Variants in CREB5 observed in about 807,000 individuals in gnomAD.
CREB5 encodes cAMP responsive element binding protein 5.
A neutral mutation model predicts 57.1 loss-of-function variants in CREB5; 19 were observed. That is an observed-to-expected ratio of 0.33 (90% CI 0.23 to 0.49). The LOEUF is 0.49. Ranked by LOEUF, CREB5 falls within the 20% of genes least tolerant of loss-of-function variation. CREB5 has a pLI of 0.99. For missense variants in CREB5, 579 were observed against 671.6 expected (o/e 0.86, Z 1.52); for synonymous variants, 238 against 238.3 (o/e 1.00, Z 0.01).
At chr7:28,729,135 G>A (rs1803479627) in intron 7 of CREB5, among the ~76,000 whole-genome samples, 1 of 152,146 alleles carries the variant, frequency 6.6e-6, no homozygotes, top group African/African-American at 2.4e-5. Context: ...AATGAAAGAA[G>A]CTAAAAGGAT....
intron 4 of CREB5, among the ~76,000 whole-genome samples, chr7:28,566,775 A>G (rs1258179876): frequency 6.6e-6 from 1 of 152,208 alleles, no homozygotes; most frequent in Non-Finnish European, 1.5e-5. Flanking sequence ...AGACTGGAGA[A>G]TTTGCAGATT....
intron 5 of CREB5, among the ~76,000 whole-genome samples, chr7:28,684,501 G>T (rs930825068): frequency 2.0e-5 from 3 of 152,206 alleles, no homozygotes; most frequent in Non-Finnish European, 4.4e-5. Flanking sequence ...CCCTGAGTAC[G>T]GCAACACTCC....
Position 28,819,308 on chromosome 7 carries a change from A to G in CREB5, c.*29A>G, listed in dbSNP as rs961086363. On this transcript the variant is annotated 3_prime_UTR_variant, in exon 11 of 11. Coordinates refer to ENST00000357727, the MANE Select transcript of CREB5 (RefSeq NM_182898.4). ...GCACCATCAGACCTGGCCTCCAAGA[A>G]GAGCTGTAGCGTACCATGCGTCCTT... 2 of 1,606,468 alleles carry G rather than the reference A, an allele frequency of 1.2e-6. No homozygotes were observed. Among genetic ancestry groups the G allele is most frequent in the African/African-American group, 2.7e-5 (2 of 74,694 alleles).
chr7:28,592,443 G>A (rs1796553275), intron 5 of CREB5, among the ~76,000 whole-genome samples: 1 of 152,172 alleles, frequency 6.6e-6, no homozygotes, highest in Non-Finnish European at 1.5e-5. Context: ...TTAAGCAAAT[G>A]TTTGAAACAG....
chr7:28,320,508 A>G (rs905850374), intron 1 of CREB5, among the ~76,000 whole-genome samples: 2 of 152,162 alleles, frequency 1.3e-5, no homozygotes, highest in East Asian at 1.9e-4. Context: ...CCCTTTGCTG[A>G]ATTGCAGCTC....
At chr7:28,430,261 C>T (rs1040696068) in intron 1 of CREB5, among the ~76,000 whole-genome samples, 4 of 152,200 alleles carry the variant, frequency 2.6e-5, no homozygotes, top group African/African-American at 9.7e-5. Flanking sequence ...GTTAACATTG[C>T]TGTGGGAGGC....
chr7:28,422,919 CTTA>C (rs1439636614), intron 1 of CREB5, among the ~76,000 whole-genome samples: 1 of 152,104 alleles, frequency 6.6e-6, no homozygotes, highest in Non-Finnish European at 1.5e-5. Context: ...TAGAAATTAT[CTTA>C]TTAGGGTGAT....
intron 4 of CREB5, among the ~76,000 whole-genome samples, chr7:28,549,040 A>T (rs1794521630): frequency 6.6e-6 from 1 of 152,246 alleles, no homozygotes; most frequent in Non-Finnish European, 1.5e-5. Flanking sequence ...AAATAAGCAT[A>T]ATTACTTCCT....
At chr7:28,376,655 G>A (rs1453887077) in intron 1 of CREB5, among the ~76,000 whole-genome samples, 2 of 152,214 alleles carry the variant, frequency 1.3e-5, no homozygotes, top group Non-Finnish European at 2.9e-5. Context: ...GAGTGAAGCA[G>A]TTAAGTGCGT....
chr7:28,402,712 A>G (rs1562693301), intron 1 of CREB5, among the ~76,000 whole-genome samples: 1 of 152,248 alleles, frequency 6.6e-6, no homozygotes, highest in Non-Finnish European at 1.5e-5. Flanking sequence ...GCCTAAAACC[A>G]TAAAAACCCT....
intron 1 of CREB5, among the ~76,000 whole-genome samples, chr7:28,454,476 A>G (rs1422878755): frequency 6.6e-6 from 1 of 152,154 alleles, no homozygotes; most frequent in Admixed American, 6.5e-5. Context: ...TCCTCAGGGC[A>G]TTCCCCCAGG....
intron 1 of CREB5, among the ~76,000 whole-genome samples, chr7:28,425,440 G>A (rs1028311863): frequency 6.6e-6 from 1 of 152,126 alleles, no homozygotes; most frequent in African/African-American, 2.4e-5. Flanking sequence ...GACTGGGGGT[G>A]GGGTGGGGAG....
intron 5 of CREB5, among the ~76,000 whole-genome samples, chr7:28,680,669 G>A (rs1279164746): frequency 1.3e-5 from 2 of 151,376 alleles, no homozygotes; most frequent in Non-Finnish European, 2.9e-5. Context: ...CGAGGTGGGG[G>A]AATCATTTGA....
chr7:28,792,680 T>G (rs2237361), intron 7 of CREB5, among the ~76,000 whole-genome samples: 1 of 152,016 alleles, frequency 6.6e-6, no homozygotes, highest in African/African-American at 2.4e-5. Flanking sequence ...GTATTTTTTA[T>G]TCTGGCTTCC....
Position 28,820,164 on chromosome 7 carries a change from G to T in CREB5, c.*885G>T, listed in dbSNP as rs1041279781. ...TTAATAATCACAGCAAATGAAAGGTGGTTTAGTTATAAGTGAAGCATGGTT... is the reference window on the plus strand; with the variant it reads ...TTAATAATCACAGCAAATGAAAGGTTGTTTAGTTATAAGTGAAGCATGGTT... On this transcript the variant is annotated 3_prime_UTR_variant, in exon 11 of 11. Transcript: ENST00000357727. 3 of 152,490 alleles carry T rather than the reference G, an allele frequency of 2.0e-5. No homozygotes were observed. The highest frequency in any genetic ancestry group is 7.2e-5 in the African/African-American group (3 of 41,430). The allele number at this position is 152,490 out of a possible 1,614,324, so 9.4% of individuals were successfully genotyped here.
chr7:28,431,700 A>G (rs889642617), intron 1 of CREB5, among the ~76,000 whole-genome samples: 9 of 152,232 alleles, frequency 5.9e-5, no homozygotes, highest in African/African-American at 2.2e-4. Context: ...TTTGACCCAC[A>G]CCTGAAAACA....
At chr7:28,774,660 TCAG>T (rs1258873731) in intron 7 of CREB5, among the ~76,000 whole-genome samples, 7 of 152,168 alleles carry the variant, frequency 4.6e-5, no homozygotes, top group Admixed American at 3.9e-4. Context: ...ATGCCATAAA[TCAG>T]CAGAGTGGGG....
intron 1 of CREB5, among the ~76,000 whole-genome samples, chr7:28,405,743 T>C (rs1347781262): frequency 6.6e-6 from 1 of 152,114 alleles, no homozygotes; most frequent in Non-Finnish European, 1.5e-5. Context: ...GAACTTTGGG[T>C]CATATTTTTG....
At chr7:28,678,159 G>A (rs548875184) in intron 5 of CREB5, among the ~76,000 whole-genome samples, 5 of 152,276 alleles carry the variant, frequency 3.3e-5, no homozygotes, top group East Asian at 1.9e-4. Context: ...AGGCCAAGGC[G>A]GGTGGATTAC....
Sources: allele counts gnomAD v4.1 joint callset (sites outside exome capture counted in the v4.1 genomes callset), GRCh38; gene constraint gnomAD v4.1.1; transcripts MANE v1.5; gene names NCBI Gene and HGNC (gene_info 2026-07-23, HGNC 2026-07-21).